The following PTPRD variants were observed in gnomAD, a reference collection of about 807,000 sequenced individuals.
PTPRD encodes the protein receptor-type tyrosine-protein phosphatase delta.
Under a neutral mutation model 214.5 loss-of-function variants are expected in PTPRD, and 34 were observed. The observed-to-expected ratio is 0.16, with a 90% CI of 0.12 to 0.21. The LOEUF (loss-of-function observed/expected upper bound fraction) is 0.21. Ranked by LOEUF, PTPRD falls within the 10% of genes least tolerant of loss-of-function variation. The pLI, the probability that PTPRD is intolerant of heterozygous loss-of-function variation, is 1.00. For synonymous variants in PTPRD, 1,128 were observed against 845.7 expected, an observed-to-expected ratio of 1.33 and a Z score of -5.79; for missense variants, 2,545 against 2,398.7, an observed-to-expected ratio of 1.06 and a Z score of -1.27.
At chr9:10,505,883 G>C (rs1373690928) in intron 2 of PTPRD, among the ~76,000 whole-genome samples, 1 of 151,972 alleles carries the variant, frequency 6.6e-6, no homozygotes, top group East Asian at 1.9e-4. Context: ...ATTTTAATTA[G>C]ATATATCAAT....
At chr9:8,548,555 A>C (rs2081003932) in intron 14 of PTPRD, among the ~76,000 whole-genome samples, 1 of 151,096 alleles carries the variant, frequency 6.6e-6, no homozygotes, top group Admixed American at 6.6e-5. Context: ...TTTAGTAGAG[A>C]TGGGGTTTCG....
At chr9:9,529,836 TAC>T (rs1182717252) in intron 8 of PTPRD, among the ~76,000 whole-genome samples, 2 of 151,474 alleles carry the variant, frequency 1.3e-5, no homozygotes, top group African/African-American at 4.8e-5. Context: ...TAAATATATT[TAC>T]ACACACTATA....
chr9:8,639,062 C>T (rs1249174850), intron 12 of PTPRD, among the ~76,000 whole-genome samples: 1 of 152,058 alleles, frequency 6.6e-6, no homozygotes, highest in East Asian at 1.9e-4. Context: ...AGAATGGTCT[C>T]GATCTCGTCA....
chr9:9,489,476 C>G (rs1457216123), intron 8 of PTPRD, among the ~76,000 whole-genome samples: 1 of 152,056 alleles, frequency 6.6e-6, no homozygotes, highest in Non-Finnish European at 1.5e-5. Context: ...ATAACAAAGT[C>G]TTAAACATAC....
At chr9:8,928,236 G>A (rs927810792) in intron 11 of PTPRD, among the ~76,000 whole-genome samples, 4 of 152,098 alleles carry the variant, frequency 2.6e-5, no homozygotes, top group African/African-American at 9.7e-5. Context: ...TATGGCTTTT[G>A]TTGCCATTGC....
chr9:10,132,194 G>A (rs2098896504), intron 3 of PTPRD, among the ~76,000 whole-genome samples: 1 of 151,890 alleles, frequency 6.6e-6, no homozygotes, highest in Non-Finnish European at 1.5e-5. Flanking sequence ...AAAAAAAACT[G>A]TACACAGAAA....
intron 36 of PTPRD, among the ~76,000 whole-genome samples, chr9:8,393,398 T>C (rs991392585): frequency 6.6e-6 from 1 of 152,202 alleles, no homozygotes; most frequent in Admixed American, 6.6e-5. Context: ...CCTCCAATAC[T>C]AGAATAACAG....
chr9:9,522,856 G>T (rs1023242663), intron 8 of PTPRD, among the ~76,000 whole-genome samples: 1 of 152,100 alleles, frequency 6.6e-6, no homozygotes, highest in African/African-American at 2.4e-5. Flanking sequence ...CTCCAGCTGT[G>T]CCACCTCCCT....
Position 9,130,557 on chromosome 9 carries a change from T to A in PTPRD, c.-143+52747A>T, listed in dbSNP as rs151157046. ...CAATATCTAGGAATGAAAGTAGGAA[T>A]CCTGCATAAAAAGTGTTTATATATT... On this transcript the variant is annotated intron_variant, in intron 10 of 45. Transcript: ENST00000381196. Among the ~76,000 whole-genome samples, 718 of 152,294 alleles carry A rather than the reference T, an allele frequency of 4.7e-3. 5 individuals are homozygous for A. The highest frequency in any genetic ancestry group is 6.5e-3 in the Admixed American group (100 of 15,294).
chr9:9,258,254 A>G (rs2099978622), intron 9 of PTPRD, among the ~76,000 whole-genome samples: 1 of 151,946 alleles, frequency 6.6e-6, no homozygotes, highest in South Asian at 2.1e-4. Flanking sequence ...TCTTAGTGAA[A>G]TTAAACATAC....
At chr9:8,627,227 C>T (rs7850226) in intron 14 of PTPRD, among the ~76,000 whole-genome samples, 74 of 151,862 alleles carry the variant, frequency 4.9e-4, no homozygotes, top group African/African-American at 1.7e-3. Context: ...TCTTCCAGGA[C>T]AATATCTTGT....
At chr9:8,604,951 T>C (rs1341659684) in intron 14 of PTPRD, among the ~76,000 whole-genome samples, 2 of 152,202 alleles carry the variant, frequency 1.3e-5, no homozygotes, top group African/African-American at 2.4e-5. Flanking sequence ...CAAGTTATTT[T>C]CCATGCAACT....
chr9:8,370,203 TATATACAC>T (rs1004010358), intron 39 of PTPRD, among the ~76,000 whole-genome samples: 11 of 41,182 alleles, frequency 2.7e-4, no homozygotes, highest in African/African-American at 6.5e-4. Context: ...TGCACATATA[TATATACAC>T]ACACACACAC....
intron 2 of PTPRD, among the ~76,000 whole-genome samples, chr9:10,602,887 A>G (rs547532081): frequency 6.6e-6 from 1 of 151,776 alleles, no homozygotes; most frequent in East Asian, 1.9e-4. Flanking sequence ...GGCAGATGGG[A>G]CCCTGTTGAT....
At chr9:8,755,835 A>G (rs1736606427) in intron 11 of PTPRD, among the ~76,000 whole-genome samples, 1 of 152,244 alleles carries the variant, frequency 6.6e-6, no homozygotes, top group Admixed American at 6.5e-5. Context: ...AAGGGAGAAC[A>G]GTAAATGACC....
chr9:8,539,934 T>A (rs1473957792), intron 14 of PTPRD, among the ~76,000 whole-genome samples: 1 of 152,050 alleles, frequency 6.6e-6, no homozygotes, highest in African/African-American at 2.4e-5. Context: ...TGAATGCGGA[T>A]CTAAGAATTA....
chr9:9,948,346 T>C (rs1038509531), intron 4 of PTPRD, among the ~76,000 whole-genome samples: 1 of 152,064 alleles, frequency 6.6e-6, no homozygotes, highest in East Asian at 1.9e-4. Context: ...TAGGAAGGGA[T>C]GTGTATTCCT....
At chr9:8,595,421 G>A (rs894632561) in intron 14 of PTPRD, among the ~76,000 whole-genome samples, 11 of 152,154 alleles carry the variant, frequency 7.2e-5, no homozygotes, top group African/African-American at 2.2e-4. Context: ...CCATACAGGG[G>A]CATTCAGTGC....
chr9:8,316,120 T>C lies in PTPRD; in HGVS notation c.*1754A>G, dbSNP rs556784350. The C allele has an allele frequency of 8.7e-6, 2 of 229,760 alleles. No individual in the cohort carries two copies. The highest frequency in any genetic ancestry group is 4.4e-5 in the African/African-American group (2 of 45,224). The allele number at this position is 229,760 out of a possible 1,614,324, so 14.2% of individuals were successfully genotyped here. ...AGCTTTTTCTGATGTTGATGATTGA[T>C]TATAAAAGGAAGAAGGGCCCTGATT... On this transcript the variant is annotated 3_prime_UTR_variant, in exon 46 of 46. Transcript: ENST00000381196.
Sources: allele counts gnomAD v4.1 joint callset (sites outside exome capture counted in the v4.1 genomes callset), GRCh38; gene constraint gnomAD v4.1.1; transcripts MANE v1.5; gene names NCBI Gene and HGNC (gene_info 2026-07-23, HGNC 2026-07-21).